Variants in WDPCP observed in about 807,000 individuals in gnomAD.
WDPCP encodes the protein WD repeat-containing and planar cell polarity effector protein fritz homolog.
In WDPCP, 71 loss-of-function variants were observed where a neutral mutation model predicts 93.1. The ratio of observed to expected loss-of-function variants is 0.76; its 90% confidence interval spans 0.63 to 0.93. The LOEUF is 0.93. Ranked by LOEUF, WDPCP falls within the 40% of genes least tolerant of loss-of-function variation. The pLI is 0.00. For synonymous variants in WDPCP, 315 were observed against 315.0 expected (o/e 1.00, Z 0.00); for missense variants, 844 against 887.4 (o/e 0.95, Z 0.62).
At chr2:63,227,143 A>G (rs1046303126) in intron 14 of WDPCP, among the ~76,000 whole-genome samples, 4 of 151,978 alleles carry the variant, frequency 2.6e-5, no homozygotes, top group African/African-American at 9.7e-5. Flanking sequence ...TAAATTATTT[A>G]GCTATGATAA....
At chr2:63,537,896 T>G (rs1040971179) in intron 1 of WDPCP, among the ~76,000 whole-genome samples, 1 of 152,212 alleles carries the variant, frequency 6.6e-6, no homozygotes. Flanking sequence ...TTCTTAAACA[T>G]AGTAAATGTT....
intron 1 of WDPCP, among the ~76,000 whole-genome samples, chr2:63,823,568 T>A (rs1671062088): frequency 6.6e-6 from 1 of 152,100 alleles, no homozygotes; most frequent in Non-Finnish European, 1.5e-5. Flanking sequence ...GATAGTACAG[T>A]GAATACTAGA....
At chr2:63,529,663 G>C (rs1206294008) in intron 1 of WDPCP, among the ~76,000 whole-genome samples, 1 of 152,120 alleles carries the variant, frequency 6.6e-6, no homozygotes, top group Non-Finnish European at 1.5e-5. Context: ...CAGGGATACT[G>C]GTCTAAAATT....
At chr2:63,428,559 G>A (rs369510181) in intron 9 of WDPCP, among the ~76,000 whole-genome samples, 1 of 152,096 alleles carries the variant, frequency 6.6e-6, no homozygotes, top group East Asian at 1.9e-4. Context: ...CAACAAACTC[G>A]GTATCGAAGG....
At chr2:63,606,211 C>G (rs993065540) in intron 3 of WDPCP, among the ~76,000 whole-genome samples, 2 of 152,088 alleles carry the variant, frequency 1.3e-5, no homozygotes, top group African/African-American at 4.8e-5. Context: ...GTGAGACCCC[C>G]TCTCTGCAAA....
chr2:63,425,913 G>C (rs116404168), intron 9 of WDPCP, among the ~76,000 whole-genome samples: 2,337 of 152,248 alleles, frequency 0.015, 66 homozygotes, highest in African/African-American at 0.054. Context: ...CCATCCCCAA[G>C]GCACATACTC....
intron 2 of WDPCP, among the ~76,000 whole-genome samples, chr2:63,654,648 C>G (rs1710145283): frequency 6.6e-6 from 1 of 152,108 alleles, no homozygotes; most frequent in Non-Finnish European, 1.5e-5. Context: ...TTCCAGGACC[C>G]CCCAGGGATA....
chr2:63,213,337 C>A (rs1427978151), intron 14 of WDPCP, among the ~76,000 whole-genome samples: 1 of 152,190 alleles, frequency 6.6e-6, no homozygotes, highest in African/African-American at 2.4e-5. Context: ...AACCGCTCAA[C>A]TACATGGAAA....
At chr2:63,153,050 G>A in intron 16 of WDPCP, 105 bp from the exon 17 acceptor site, 1 of 924,148 alleles carries the variant, frequency 1.1e-6, no homozygotes, top group Non-Finnish European at 1.7e-6. Flanking sequence ...ATAATAACAA[G>A]TTACAATGCT....
intron 14 of WDPCP, among the ~76,000 whole-genome samples, chr2:63,251,173 G>A (rs1354395014): frequency 6.6e-6 from 1 of 152,028 alleles, no homozygotes; most frequent in African/African-American, 2.4e-5. Flanking sequence ...AAGAATGAAC[G>A]ACACCAAAAG....
chr2:63,638,418 T>C (rs1003002201), intron 3 of WDPCP, among the ~76,000 whole-genome samples: 1 of 152,176 alleles, frequency 6.6e-6, no homozygotes, highest in African/African-American at 2.4e-5. Flanking sequence ...TCACAATCTA[T>C]ACATATATCA....
intron 17 of WDPCP, among the ~76,000 whole-genome samples, chr2:63,135,181 A>G (rs1003999976): frequency 6.6e-6 from 1 of 152,222 alleles, no homozygotes; most frequent in Admixed American, 6.5e-5. Context: ...AATGGACCAC[A>G]TCCATCAGAG....
chr2:63,131,115 T>TA (rs1204966197), intron 17 of WDPCP, among the ~76,000 whole-genome samples: 4 of 152,236 alleles, frequency 2.6e-5, no homozygotes, highest in African/African-American at 7.2e-5. Context: ...AGCAGAGTGT[T>TA]AGAGTTTTTA....
chr2:63,700,300 A>G lies in WDPCP; in HGVS notation n.309-49462T>C, dbSNP rs913598341. ...CCTGTCTCAAAAAAAAAAAAAAAAA[A>G]AAACAAAAAGAAAAAAAGAAAAAAA... On this transcript the variant is annotated intron_variant and non_coding_transcript_variant, in intron 2 of 4. Coordinates refer to the WDPCP transcript ENST00000467687. Among the ~76,000 whole-genome samples, 81 of 102,578 alleles carry G rather than the reference A, an allele frequency of 7.9e-4. 1 individual carries two copies. The highest frequency in any genetic ancestry group is 1.0e-3 in the Non-Finnish European group (43 of 42,082). The allele number at this position is 102,578 out of a possible 152,430, so 67.3% of individuals were successfully genotyped here.
At chr2:63,536,565 A>G (rs1447792221) in intron 1 of WDPCP, among the ~76,000 whole-genome samples, 1 of 152,168 alleles carries the variant, frequency 6.6e-6, no homozygotes, top group Non-Finnish European at 1.5e-5. Flanking sequence ...TTGTAGGGAC[A>G]TGGATGAAGC....
At chr2:63,381,450 A>T (rs1391839730) in intron 11 of WDPCP, among the ~76,000 whole-genome samples, 1 of 152,136 alleles carries the variant, frequency 6.6e-6, no homozygotes, top group Non-Finnish European at 1.5e-5. Context: ...TACAATTCAG[A>T]TATACAAAAA....
chr2:63,318,796 A>G (rs1686857251), intron 12 of WDPCP, among the ~76,000 whole-genome samples: 1 of 152,148 alleles, frequency 6.6e-6, no homozygotes, highest in Non-Finnish European at 1.5e-5. Context: ...TGAATTGAAA[A>G]AGTACCTATC....
intron 2 of WDPCP, among the ~76,000 whole-genome samples, chr2:63,804,275 G>A: frequency 6.8e-6 from 1 of 147,236 alleles, no homozygotes; most frequent in African/African-American, 2.5e-5. Flanking sequence ...TTTTGAGGCA[G>A]AGTCTCGCTC....
intron 14 of WDPCP, among the ~76,000 whole-genome samples, chr2:63,178,423 T>C (rs1673980979): frequency 6.6e-6 from 1 of 152,200 alleles, no homozygotes. Context: ...TTCTTCATTA[T>C]CCAATCTTGG....
Sources: gnomAD v4.1 joint callset for allele counts (sites outside exome capture counted in the v4.1 genomes callset) on GRCh38, gnomAD v4.1.1 for gene constraint, MANE v1.5 for transcripts, NCBI Gene and HGNC (gene_info 2026-07-23, HGNC 2026-07-21) for gene names.